Variants in ROBO2 observed in about 807,000 individuals in gnomAD.
The protein encoded by ROBO2 is roundabout homolog 2.
ROBO2 carries 53 observed loss-of-function variants against 160.8 expected under a neutral mutation model. That is an observed-to-expected ratio of 0.33 (90% CI 0.26 to 0.41). The LOEUF (loss-of-function observed/expected upper bound fraction) is 0.41, where lower values mean the gene tolerates loss of function less well. Ranked by LOEUF, ROBO2 falls within the 10% of genes least tolerant of loss-of-function variation. ROBO2 has a pLI of 1.00. For synonymous variants in ROBO2, 664 were observed against 611.7 expected, an observed-to-expected ratio of 1.09 and a Z score of -1.26; for missense variants, 1,577 against 1,722.4, an observed-to-expected ratio of 0.92 and a Z score of 1.49.
At chr3:76,537,204 C>A (rs769774995) in intron 2 of ROBO2, among the ~76,000 whole-genome samples, 1 of 151,820 alleles carries the variant, frequency 6.6e-6, no homozygotes, top group Admixed American at 6.6e-5. Context: ...TGGGATGAGT[C>A]GCATTGGGAG....
In ROBO2 at chr3:76,745,397, C is replaced by T. The variant is rs139697205; in HGVS notation, c.110-352617C>T. Among the ~76,000 whole-genome samples, 690 of 152,202 alleles carry T rather than the reference C, an allele frequency of 4.5e-3. 5 individuals are homozygous for T. Among genetic ancestry groups the T allele is most frequent in the African/African-American group, 0.016 (660 of 41,546 alleles). On this transcript the variant is annotated intron_variant, in intron 2 of 26. Coordinates refer to the ROBO2 transcript ENST00000487694. The stretch of plus-strand genomic sequence containing the variant: ...TATTATATGTGAGCTGTAAAAGGCA[C>T]ATTGCAATAAGATGAAAGACTAGAA...
chr3:76,877,788 T>C (rs1002784196), intron 2 of ROBO2, among the ~76,000 whole-genome samples: 1 of 152,092 alleles, frequency 6.6e-6, no homozygotes, highest in Non-Finnish European at 1.5e-5. Flanking sequence ...AATGGCTGAG[T>C]TGTGATTAGG....
At chr3:77,100,029 T>G (rs539239849) in intron 2 of ROBO2, among the ~76,000 whole-genome samples, 2 of 152,310 alleles carry the variant, frequency 1.3e-5, no homozygotes, top group East Asian at 3.9e-4. Flanking sequence ...TAACAAAATT[T>G]TACTTTTCAA....
chr3:77,427,666 G>A (rs1298119367), intron 2 of ROBO2, among the ~76,000 whole-genome samples: 1 of 152,202 alleles, frequency 6.6e-6, no homozygotes, highest in Non-Finnish European at 1.5e-5. Flanking sequence ...ATAACAGCAA[G>A]TCGTTAATTC....
intron 1 of ROBO2, among the ~76,000 whole-genome samples, chr3:77,061,845 C>G (rs2066348607): frequency 6.6e-6 from 1 of 152,098 alleles, no homozygotes; most frequent in East Asian, 1.9e-4. Context: ...GACAGGAATA[C>G]CGTTTATTAT....
chr3:76,854,001 A>C (rs1366206264), intron 2 of ROBO2, among the ~76,000 whole-genome samples: 3 of 151,438 alleles, frequency 2.0e-5, no homozygotes, highest in Non-Finnish European at 4.4e-5. Flanking sequence ...ATAAATGGAC[A>C]GCCAAAAGCA....
intron 2 of ROBO2, among the ~76,000 whole-genome samples, chr3:75,999,810 A>G (rs1234321018): frequency 6.6e-6 from 1 of 152,148 alleles, no homozygotes; most frequent in Non-Finnish European, 1.5e-5. Context: ...GAACATATTA[A>G]AGCCACACCA....
At position 77,334,782 on chromosome 3, in the gene ROBO2, A is replaced by G. The variant is rs190910321; in HGVS notation, c.389-142632A>G. ...CTTAGTGAGATACAAATCTGCCACT[A>G]AGGTACCACTTATTAGGCCTTATAA... On this transcript the variant is annotated intron_variant, in intron 2 of 25. Coordinates refer to ENST00000461745, the Ensembl canonical transcript of ROBO2. Among the ~76,000 whole-genome samples the G allele has an allele frequency of 2.6e-3, 391 of 152,246 alleles. 2 individuals are homozygous for G. The highest frequency in any genetic ancestry group is 0.014 in the Middle Eastern group (4 of 294).
intron 2 of ROBO2, among the ~76,000 whole-genome samples, chr3:76,771,297 A>C (rs1030310441): frequency 1.4e-4 from 21 of 151,272 alleles, no homozygotes; most frequent in African/African-American, 5.1e-4. Flanking sequence ...TATTGGGGTT[A>C]AGCAGGATCT....
At chr3:76,524,767 G>T (rs561955437) in intron 2 of ROBO2, among the ~76,000 whole-genome samples, 1 of 118,816 alleles carries the variant, frequency 8.4e-6, no homozygotes, top group Middle Eastern at 7.6e-3. Context: ...GTAGCACTTT[G>T]AAATATGCCA....
intron 2 of ROBO2, among the ~76,000 whole-genome samples, chr3:76,922,545 C>A (rs1402684157): frequency 6.6e-6 from 1 of 152,122 alleles, no homozygotes; most frequent in East Asian, 1.9e-4. Context: ...GAAGAGGAGG[C>A]CTAATTTTCA....
intron 23 of ROBO2, among the ~76,000 whole-genome samples, chr3:77,628,361 C>T (rs2095078952): frequency 6.6e-6 from 1 of 150,780 alleles, no homozygotes; most frequent in Admixed American, 6.6e-5. Context: ...AATCAGTTAT[C>T]ACAAAAGTGA....
intron 2 of ROBO2, among the ~76,000 whole-genome samples, chr3:76,731,463 T>A (rs2093636658): frequency 6.6e-6 from 1 of 152,158 alleles, no homozygotes; most frequent in African/African-American, 2.4e-5. Context: ...CTTCAAATTC[T>A]CAATTCTAGG....
intron 2 of ROBO2, among the ~76,000 whole-genome samples, chr3:76,046,668 C>G (rs908185000): frequency 5.9e-5 from 9 of 151,846 alleles, no homozygotes; most frequent in African/African-American, 9.7e-5. Flanking sequence ...ATAAAAAAAG[C>G]CTGACTGGAC....
At chr3:76,416,043 T>G (rs567267696) in intron 2 of ROBO2, among the ~76,000 whole-genome samples, 25 of 152,306 alleles carry the variant, frequency 1.6e-4, no homozygotes, top group Admixed American at 3.9e-4. Context: ...GAACTTTCCC[T>G]TAAAACAAGA....
intron 16 of ROBO2, among the ~76,000 whole-genome samples, chr3:77,586,071 A>G (rs1349552676): frequency 6.6e-6 from 1 of 152,092 alleles, no homozygotes; most frequent in Non-Finnish European, 1.5e-5. Context: ...ATTAATTAAA[A>G]CATTGTAAAA....
chr3:76,279,089 A>G (rs1283973488), intron 2 of ROBO2, among the ~76,000 whole-genome samples: 1 of 151,404 alleles, frequency 6.6e-6, no homozygotes, highest in Non-Finnish European at 1.5e-5. Context: ...TTAATTATGC[A>G]TATATACACA....
intron 2 of ROBO2, among the ~76,000 whole-genome samples, chr3:76,403,807 A>T (rs2077984045): frequency 6.6e-6 from 1 of 151,656 alleles, no homozygotes; most frequent in Non-Finnish European, 1.5e-5. Flanking sequence ...TTAGGTATTA[A>T]GTAATGTCAA....
chr3:77,604,896 A>G (rs1299727077), intron 20 of ROBO2, among the ~76,000 whole-genome samples: 2 of 152,122 alleles, frequency 1.3e-5, no homozygotes, highest in African/African-American at 4.8e-5. Context: ...TCTTTGAAAC[A>G]CTTAATATTT....
Sources: gnomAD v4.1 joint callset for allele counts (sites outside exome capture counted in the v4.1 genomes callset) on GRCh38, gnomAD v4.1.1 for gene constraint, MANE v1.5 for transcripts, NCBI Gene and HGNC (gene_info 2026-07-23, HGNC 2026-07-21) for gene names.